Variants in PARD3B observed in about 807,000 individuals in gnomAD.
PARD3B encodes the protein partitioning defective 3 homolog B.
PARD3B carries 103 observed loss-of-function variants against 130.2 expected under a neutral mutation model. The ratio of observed to expected loss-of-function variants is 0.79; its 90% confidence interval spans 0.67 to 0.93. The LOEUF (loss-of-function observed/expected upper bound fraction) is 0.93. Ranked by LOEUF, PARD3B falls within the 40% of genes least tolerant of loss-of-function variation. PARD3B has a pLI of 0.00. For synonymous variants in PARD3B, 583 were observed against 553.2 expected, an observed-to-expected ratio of 1.05 and a Z score of -0.76; for missense variants, 1,609 against 1,499.2, an observed-to-expected ratio of 1.07 and a Z score of -1.21.
chr2:205,126,369 C>G (rs2031397027), intron 10 of PARD3B, among the ~76,000 whole-genome samples: 1 of 152,176 alleles, frequency 6.6e-6, no homozygotes, highest in East Asian at 1.9e-4. Flanking sequence ...CAAGTTCTAT[C>G]TATTGCAGTG....
intron 3 of PARD3B, among the ~76,000 whole-genome samples, chr2:205,041,627 C>A (rs2125397283): frequency 6.6e-6 from 1 of 152,166 alleles, no homozygotes; most frequent in East Asian, 1.9e-4. Context: ...CTGCCCCCCA[C>A]CCCGAGAGCT....
intron 20 of PARD3B, among the ~76,000 whole-genome samples, chr2:205,444,930 T>C (rs1416351907): frequency 6.6e-6 from 1 of 151,976 alleles, no homozygotes; most frequent in African/African-American, 2.4e-5. Flanking sequence ...GAGAGAACAG[T>C]TTTAGTAGCT....
intron 1 of PARD3B, among the ~76,000 whole-genome samples, chr2:204,564,292 C>T (rs1317749895): frequency 3.3e-5 from 5 of 152,096 alleles, no homozygotes; most frequent in Admixed American, 6.6e-5. Flanking sequence ...GTTTCCTGGG[C>T]ACTCAGAAGG....
chr2:204,665,710 C>A (rs1042676265), intron 1 of PARD3B, among the ~76,000 whole-genome samples: 5 of 152,164 alleles, frequency 3.3e-5, no homozygotes, highest in African/African-American at 1.2e-4. Context: ...TCTGTGACCT[C>A]TAACTGGTAA....
At chr2:204,754,349 C>G (rs1454076225) in intron 2 of PARD3B, among the ~76,000 whole-genome samples, 1 of 149,058 alleles carries the variant, frequency 6.7e-6, no homozygotes, top group African/African-American at 2.4e-5. Context: ...AGCAATAAAG[C>G]TCATAATGTT....
At chr2:205,224,063 CA>C (rs34894710) in intron 15 of PARD3B, among the ~76,000 whole-genome samples, 104,091 of 134,756 alleles carry the variant, frequency 0.77, 39,663 homozygotes, top group East Asian at 0.94. Context: ...GACTCCATCT[CA>C]AAAAAAAAAA....
chr2:204,545,920 G>C lies in PARD3B; in HGVS notation c.-80G>C, dbSNP rs913411265. On this transcript the variant is annotated 5_prime_UTR_variant, in exon 1 of 23. Coordinates refer to ENST00000406610, the MANE Select transcript of PARD3B (RefSeq NM_001302769.2). ...GGGTCTCTGGGCCCACCCGCCCCGG[G>C]CGTCCTCCGAGAGTGGGGGCTGCGC... 4.9e-6 allele frequency: 7 copies of C among 1,417,010 alleles called. No homozygotes were observed. The highest frequency in any genetic ancestry group is 1.5e-5 in the African/African-American group (1 of 66,018). The allele number at this position is 1,417,010 out of a possible 1,614,324, so 87.8% of individuals were successfully genotyped here.
At chr2:204,744,454 A>C (rs1182461237) in intron 2 of PARD3B, among the ~76,000 whole-genome samples, 2 of 152,190 alleles carry the variant, frequency 1.3e-5, no homozygotes, top group Non-Finnish European at 2.9e-5. Flanking sequence ...TGGAGCTGAC[A>C]GTTCTTATTT....
Position 205,593,753 on chromosome 2 carries a change from A to C in PARD3B, c.3261-21703A>C, listed in dbSNP as rs117868692. On this transcript the variant is annotated intron_variant, in intron 22 of 22. Transcript: ENST00000406610. ...GCGAGAGGTGGGGTAGAAATGCCAC[A>C]GTATGACCTTGTTGGCTGTGGAAAT... 5.8e-4 allele frequency among the ~76,000 whole-genome samples: 89 copies of C among 152,330 alleles called. 2 individuals are homozygous for C. The East Asian group carries it at 0.014, about 24-fold the overall frequency.
At position 205,237,150 on chromosome 2, in the gene PARD3B, G is replaced by A. The variant is rs571959627; in HGVS notation, c.2141-8628G>A. On this transcript the variant is annotated intron_variant, in intron 15 of 22. Coordinates refer to ENST00000406610, the MANE Select transcript of PARD3B (RefSeq NM_001302769.2). ...GTTTTGCCCTTGTCGTCCAGGCTAGGGTGCAATGACGCGATCACTGCTCAT... is the reference window on the plus strand; with the variant it reads ...GTTTTGCCCTTGTCGTCCAGGCTAGAGTGCAATGACGCGATCACTGCTCAT... 6.4e-3 allele frequency among the ~76,000 whole-genome samples: 977 copies of A among 152,180 alleles called. 12 individuals carry two copies. The highest frequency in any genetic ancestry group is 0.022 in the African/African-American group (923 of 41,524).
At chr2:205,528,753 G>A (rs891103325) in intron 21 of PARD3B, among the ~76,000 whole-genome samples, 4 of 152,112 alleles carry the variant, frequency 2.6e-5, no homozygotes, top group African/African-American at 9.7e-5. Context: ...GCCTCCCAAA[G>A]TGCTGTGATT....
At chr2:205,551,286 CA>C (rs1408458148) in intron 21 of PARD3B, among the ~76,000 whole-genome samples, 1 of 151,138 alleles carries the variant, frequency 6.6e-6, no homozygotes, top group Admixed American at 6.6e-5. Flanking sequence ...TTTAAAAACA[CA>C]AGAAAGCAAA....
At chr2:205,136,894 G>A (rs1180795226) in intron 10 of PARD3B, among the ~76,000 whole-genome samples, 1 of 152,148 alleles carries the variant, frequency 6.6e-6, no homozygotes, top group East Asian at 1.9e-4. Context: ...TGTTCAGCAA[G>A]TATTTACTGA....
chr2:204,819,781 G>A (rs2043272756), intron 2 of PARD3B, among the ~76,000 whole-genome samples: 1 of 152,142 alleles, frequency 6.6e-6, no homozygotes, highest in South Asian at 2.1e-4. Flanking sequence ...TATGGAGAAG[G>A]TTGAGTAGTC....
chr2:205,306,681 G>A (rs1260603063), intron 18 of PARD3B, among the ~76,000 whole-genome samples: 1 of 152,142 alleles, frequency 6.6e-6, no homozygotes, highest in Non-Finnish European at 1.5e-5. Flanking sequence ...CACGATTTTA[G>A]CAAAGTTAAG....
At chr2:205,219,889 G>A (rs1482940641) in intron 15 of PARD3B, among the ~76,000 whole-genome samples, 3 of 152,164 alleles carry the variant, frequency 2.0e-5, no homozygotes, top group Non-Finnish European at 4.4e-5. Context: ...TTTCAGTAAT[G>A]TAAGCCCTGC....
At chr2:205,375,724 G>A (rs1256226469) in intron 18 of PARD3B, among the ~76,000 whole-genome samples, 1 of 152,184 alleles carries the variant, frequency 6.6e-6, no homozygotes, top group African/African-American at 2.4e-5. Flanking sequence ...CAAGCTAGAA[G>A]GGAGGAGGAA....
chr2:204,721,384 A>G (rs1204573458), intron 2 of PARD3B, among the ~76,000 whole-genome samples: 1 of 152,148 alleles, frequency 6.6e-6, no homozygotes, highest in Non-Finnish European at 1.5e-5. Context: ...GGCTAGTGAA[A>G]AAGGGCCAGT....
At chr2:205,608,789 T>C (rs1324623028) in intron 22 of PARD3B, among the ~76,000 whole-genome samples, 2 of 152,210 alleles carry the variant, frequency 1.3e-5, no homozygotes, top group Non-Finnish European at 2.9e-5. Flanking sequence ...TTTGTGGTCA[T>C]TGTTTAAAAA....
Sources: allele counts gnomAD v4.1 joint callset (sites outside exome capture counted in the v4.1 genomes callset), GRCh38; gene constraint gnomAD v4.1.1; transcripts MANE v1.5; gene names NCBI Gene and HGNC (gene_info 2026-07-23, HGNC 2026-07-21).